SLC9B2: variants seen among roughly 807,000 people sequenced by gnomAD.
SLC9B2 encodes the protein sodium/hydrogen exchanger 9B2.
Under a neutral mutation model 52.2 loss-of-function variants are expected in SLC9B2, and 39 were observed. The ratio of observed to expected loss-of-function variants is 0.75; its 90% CI spans 0.58 to 0.98. SLC9B2 has a LOEUF of 0.98. SLC9B2 is among the 50% of genes least tolerant of loss of function. The pLI, the probability that SLC9B2 is intolerant of heterozygous loss-of-function variation, is 0.00. For missense variants in SLC9B2, 626 were observed against 637.5 expected, an observed-to-expected ratio of 0.98 and a Z score of 0.19; for synonymous variants, 214 against 227.0, an observed-to-expected ratio of 0.94 and a Z score of 0.51.
rs1038676407 is a variant in SLC9B2 at position 103,031,738 on chromosome 4, G to T, written c.1217C>A (p.Ala406Glu). ...FQPLLFGLIGAEVSIASLRPE... is the reference protein window; with the variant it reads ...FQPLLFGLIGEEVSIASLRPE... ...TCTGAGAGATGCAATAGATACCTCT[G>T]CTCCAATTAGTCCAAAAAGAAGGGG... The change falls in exon 10 of 12, where the codon GCA becomes GAA. Residue 406 changes from alanine (A) to glutamate (E), a missense_variant. Ala to Glu is a moderately radical substitution (Grantham distance 107, BLOSUM62 -1). Coordinates refer to ENST00000394785, the MANE Select transcript of SLC9B2 (RefSeq NM_178833.7). The T allele has an allele frequency of 5.0e-6, 8 of 1,612,778 alleles. No individual in the cohort carries two copies. The highest frequency in any genetic ancestry group is 6.8e-6 in the Non-Finnish European group (8 of 1,179,184).
intron 10 of SLC9B2, among the ~76,000 whole-genome samples, chr4:103,029,584 T>C (rs1742517748): frequency 6.6e-6 from 1 of 152,174 alleles, no homozygotes; most frequent in Non-Finnish European, 1.5e-5. Context: ...CTGGTTAACA[T>C]ACACAGCTAC....
At chr4:103,021,243 T>C (rs972268923), downstream of SLC9B2, among the ~76,000 whole-genome samples, 1 of 152,120 alleles carries the variant, frequency 6.6e-6, no homozygotes, top group African/African-American at 2.4e-5. Context: ...TTAGGGTCCA[T>C]GTAAGGAAGA....
intron 4 of SLC9B2, among the ~76,000 whole-genome samples, chr4:103,057,233 GTTAATT>G (rs1745201649): frequency 7.7e-6 from 1 of 129,880 alleles, no homozygotes; most frequent in African/African-American, 3.1e-5. Flanking sequence ...TTTAATGTCA[GTTAATT>G]TTAAGTATAT....
rs371572168 is a variant in SLC9B2 at position 103,028,899 on chromosome 4, A to G, written c.1256-16T>C. 22 of 1,512,402 alleles carry G rather than the reference A, an allele frequency of 1.5e-5. No individual in the cohort carries two copies. The African/African-American group carries it at 2.9e-4, about 20-fold the overall frequency. The allele number at this position is 1,512,402 out of a possible 1,614,324, so 93.7% of individuals were successfully genotyped here. On this transcript the variant is annotated splice_polypyrimidine_tract_variant and intron_variant, in intron 10 of 11. Transcript: ENST00000394785. ...ACACAAAGGCCTGTAAGAAATATTCAATTTTTAGAAATAATAAAATACTAG... is the reference window on the plus strand; with the variant it reads ...ACACAAAGGCCTGTAAGAAATATTCGATTTTTAGAAATAATAAAATACTAG...
intron 11 of SLC9B2, among the ~76,000 whole-genome samples, chr4:103,028,193 G>T (rs1742394029): frequency 6.6e-6 from 1 of 152,186 alleles, no homozygotes; most frequent in Non-Finnish European, 1.5e-5. Context: ...TGAGACATTT[G>T]CCAGGAAGTT....
intron 9 of SLC9B2, among the ~76,000 whole-genome samples, chr4:103,038,369 A>C (rs1344730046): frequency 2.0e-5 from 3 of 152,220 alleles, no homozygotes; most frequent in Non-Finnish European, 2.9e-5. Flanking sequence ...AAAGGCCAAA[A>C]TTTGTTTTTG....
chr4:103,018,509 T>G (rs1741522962), downstream of SLC9B2, among the ~76,000 whole-genome samples: 1 of 152,158 alleles, frequency 6.6e-6, no homozygotes, highest in African/African-American at 2.4e-5. Context: ...GTGACAATAA[T>G]AAGTGTCATT....
chr4:103,032,666 G>C (rs1221135943), intron 9 of SLC9B2, among the ~76,000 whole-genome samples: 1 of 152,110 alleles, frequency 6.6e-6, no homozygotes, highest in Admixed American at 6.6e-5. Context: ...TCCAGTATCA[G>C]GGTCCTACAA....
chr4:103,060,559 G>GT (rs796205345), intron 3 of SLC9B2, among the ~76,000 whole-genome samples: 1,953 of 73,694 alleles, frequency 0.027, 45 homozygotes, highest in African/African-American at 0.096. Context: ...TTTTTTTTTA[G>GT]TTTTTTTGCA....
intron 9 of SLC9B2, among the ~76,000 whole-genome samples, chr4:103,036,904 C>T (rs1158377218): frequency 6.6e-6 from 1 of 152,100 alleles, no homozygotes; most frequent in Non-Finnish European, 1.5e-5. Context: ...ATTTAAGGAT[C>T]TGCAATATAT....
intron 4 of SLC9B2, among the ~76,000 whole-genome samples, chr4:103,057,281 C>CAA (rs1745229780): frequency 6.9e-6 from 1 of 144,238 alleles, no homozygotes; most frequent in Non-Finnish European, 1.5e-5. Context: ...TATACACACA[C>CAA]ACACACACAT....
rs534648502 is a variant in SLC9B2 at position 103,039,308 on chromosome 4, T to C, written c.1146+3988A>G. 2.0e-5 allele frequency among the ~76,000 whole-genome samples: 3 copies of C among 152,326 alleles called. No individual in the cohort carries two copies. In the East Asian group the frequency reaches 5.8e-4, roughly 29 times the overall value. ...TTCTATGATTAATAACTTTCCTTAG[T>C]GCTTCGTACAGGTTATTTTACCGAA... On this transcript the variant is annotated intron_variant, in intron 9 of 11. Transcript: ENST00000394785.
chr4:103,056,082 G>T (rs745792820), intron 4 of SLC9B2, among the ~76,000 whole-genome samples: 1 of 152,048 alleles, frequency 6.6e-6, no homozygotes, highest in Non-Finnish European at 1.5e-5. Flanking sequence ...GGGATTACAG[G>T]CGTGAGCCAC....
intron 1 of SLC9B2, among the ~76,000 whole-genome samples, chr4:103,075,941 C>T (rs780656303): frequency 3.4e-4 from 52 of 152,168 alleles, no homozygotes; most frequent in Non-Finnish European, 7.1e-4. Context: ...CTTAGCACCT[C>T]GAGGATGCTA....
chr4:103,057,273 TACACACACACACACAC>T (rs1553917193), intron 4 of SLC9B2, among the ~76,000 whole-genome samples: 1 of 143,208 alleles, frequency 7.0e-6, no homozygotes, highest in African/African-American at 2.6e-5. Flanking sequence ...TATATATATA[TACACACACACACACAC>T]ATATATACAC....
At chr4:103,068,278 A>G (rs547519062) in intron 1 of SLC9B2, among the ~76,000 whole-genome samples, 1 of 152,340 alleles carries the variant, frequency 6.6e-6, no homozygotes, top group Non-Finnish European at 1.5e-5. Flanking sequence ...ACTCACTTCA[A>G]CACATTCTCC....
intron 4 of SLC9B2, among the ~76,000 whole-genome samples, chr4:103,053,372 C>T (rs1744856590): frequency 6.6e-6 from 1 of 152,116 alleles, no homozygotes; most frequent in Admixed American, 6.5e-5. Context: ...AAACTTTCTT[C>T]CTCTATGCAA....
intron 9 of SLC9B2, among the ~76,000 whole-genome samples, chr4:103,037,382 A>C (rs1578446080): frequency 6.6e-6 from 1 of 152,308 alleles, no homozygotes; most frequent in East Asian, 1.9e-4. Flanking sequence ...TTTTCACTTA[A>C]AGTTGCAGCT....
At chr4:103,054,676 C>T (rs1031789309) in intron 4 of SLC9B2, among the ~76,000 whole-genome samples, 1 of 152,144 alleles carries the variant, frequency 6.6e-6, no homozygotes, top group African/African-American at 2.4e-5. Flanking sequence ...ACCCTTTATC[C>T]TAGCATATAG....
Sources: gnomAD v4.1 joint callset for allele counts (sites outside exome capture counted in the v4.1 genomes callset) on GRCh38, gnomAD v4.1.1 for gene constraint, MANE v1.5 for transcripts, NCBI Gene and HGNC (gene_info 2026-07-23, HGNC 2026-07-21) for gene names.